Variants in SLC9A9 observed in about 807,000 individuals in gnomAD.
SLC9A9 encodes the protein sodium/hydrogen exchanger 9.
In SLC9A9, 62 loss-of-function variants were observed where a neutral mutation model predicts 77.8. That is an observed-to-expected ratio of 0.80 (90% confidence interval 0.65 to 0.98). The LOEUF is 0.98. Ranked by LOEUF, SLC9A9 falls within the 50% of genes least tolerant of loss-of-function variation. The probability of loss-of-function intolerance (pLI) is 0.00; values close to 1 mark genes in which losing one functional copy is unlikely to be tolerated. For missense variants in SLC9A9, 775 were observed against 774.9 expected (o/e 1.00, Z 0.00); for synonymous variants, 320 against 283.5 (o/e 1.13, Z -1.29).
chr3:143,303,592 G>A (rs2030634867), intron 14 of SLC9A9, among the ~76,000 whole-genome samples: 1 of 152,176 alleles, frequency 6.6e-6, no homozygotes, highest in Non-Finnish European at 1.5e-5. Context: ...GACACAGTGA[G>A]ACTTGCATTT....
chr3:143,394,287 G>A (rs1305251166), intron 12 of SLC9A9, among the ~76,000 whole-genome samples: 2 of 152,234 alleles, frequency 1.3e-5, no homozygotes, highest in African/African-American at 2.4e-5. Flanking sequence ...GGGATGCAAG[G>A]CTGGTTCAAC....
intron 1 of SLC9A9, among the ~76,000 whole-genome samples, chr3:143,845,550 T>C (rs967452898): frequency 1.3e-5 from 2 of 152,314 alleles, no homozygotes; most frequent in African/African-American, 4.8e-5. Flanking sequence ...ACGTGAACCT[T>C]AGTAAGACAT....
At chr3:143,416,730 AC>A (rs1373589757) in intron 12 of SLC9A9, among the ~76,000 whole-genome samples, 5 of 152,194 alleles carry the variant, frequency 3.3e-5, no homozygotes, top group Admixed American at 2.6e-4. Flanking sequence ...TTGGAACTGA[AC>A]CCACAATATC....
chr3:143,635,847 C>T (rs775905997), intron 6 of SLC9A9, among the ~76,000 whole-genome samples: 5 of 152,166 alleles, frequency 3.3e-5, no homozygotes, highest in East Asian at 3.8e-4. Context: ...CATTATTCAG[C>T]GGCAATACTT....
chr3:143,848,313 G>C lies in SLC9A9; in HGVS notation c.10C>G (p.Gln4Glu). The change falls in exon 1 of 16, where the codon CAG becomes GAG. Residue 4 changes from glutamine (Q) to glutamate (E), a missense_variant. By Grantham distance (29) the Gln-to-Glu change is conservative. Coordinates refer to ENST00000316549, the MANE Select transcript of SLC9A9 (RefSeq NM_173653.4). ...TCCTTTTCTGACATAACCCTTGACT[G>C]TCTCTCCATTCCCCAGTCTTCTTGG... MERQSRVMSEKDEY... is the reference protein window; with the variant it reads MERESRVMSEKDEY... The C allele has an allele frequency of 6.2e-7, 1 of 1,613,922 alleles. No homozygotes were observed. Among genetic ancestry groups the C allele is most frequent in the Non-Finnish European group, 8.5e-7 (1 of 1,179,858 alleles).
At chr3:143,840,201 T>A (rs2009671660) in intron 1 of SLC9A9, among the ~76,000 whole-genome samples, 1 of 151,998 alleles carries the variant, frequency 6.6e-6, no homozygotes, top group African/African-American at 2.4e-5. Flanking sequence ...ATGGTGCTGG[T>A]CAGGAAACAC....
intron 8 of SLC9A9, among the ~76,000 whole-genome samples, chr3:143,571,692 G>A (rs2037260699): frequency 6.6e-6 from 1 of 151,968 alleles, no homozygotes; most frequent in Non-Finnish European, 1.5e-5. Flanking sequence ...GGCTTTGACT[G>A]CCAGAAAGCT....
chr3:143,606,911 T>TATC (rs2037938051), intron 6 of SLC9A9, among the ~76,000 whole-genome samples: 1 of 152,074 alleles, frequency 6.6e-6, no homozygotes, highest in Non-Finnish European at 1.5e-5. Context: ...TTTGTAGAAC[T>TATC]GAAGAAACAT....
At chr3:143,556,448 G>A (rs1431339045) in intron 8 of SLC9A9, among the ~76,000 whole-genome samples, 1 of 152,180 alleles carries the variant, frequency 6.6e-6, no homozygotes, top group Non-Finnish European at 1.5e-5. Flanking sequence ...ACCCAGTGGA[G>A]GAGAGAAGGG....
chr3:143,592,318 G>A (rs1346114099), intron 6 of SLC9A9, among the ~76,000 whole-genome samples: 1 of 152,214 alleles, frequency 6.6e-6, no homozygotes, highest in Admixed American at 6.5e-5. Context: ...CTTAAGCCCA[G>A]ATGTTCAAGG....
intron 14 of SLC9A9, among the ~76,000 whole-genome samples, chr3:143,284,090 C>T (rs1029323910): frequency 3.3e-5 from 5 of 151,278 alleles, no homozygotes; most frequent in Admixed American, 2.0e-4. Context: ...AAGCCAAACC[C>T]GTGGCAGGAG....
chr3:143,680,589 C>T (rs2028996), intron 5 of SLC9A9, among the ~76,000 whole-genome samples: 48,742 of 151,826 alleles, frequency 0.32, 8,633 homozygotes, highest in East Asian at 0.4. Flanking sequence ...AATTTTATTT[C>T]TAGAAACTTG....
chr3:143,614,193 G>C (rs1361606358), intron 6 of SLC9A9, among the ~76,000 whole-genome samples: 1 of 152,170 alleles, frequency 6.6e-6, no homozygotes, highest in East Asian at 1.9e-4. Context: ...TGAGGGTTAA[G>C]ACAGGTATTT....
rs2037404090 is a variant in SLC9A9, at chr3:143,578,609, A to C, written c.870T>G (p.Ser290=). 6.2e-7 allele frequency: 1 copy of C among 1,613,940 alleles called. No individual in the cohort carries two copies. The highest frequency in any genetic ancestry group is 1.7e-5 in the Admixed American group (1 of 59,988). The stretch of plus-strand genomic sequence containing the variant: ...TCAGTGCTGTGATGATGGCATACGC[A>C]GACCCCATTGCAAATGAGCCAGCGA... ...GIFAGSFAMG[S]AYAIITALLT... is the part of the protein sequence containing the mutation. Residue 290 remains serine (S), a synonymous_variant, in exon 7 of 16, where the codon TCT becomes TCG. Transcript: ENST00000316549.
intron 5 of SLC9A9, among the ~76,000 whole-genome samples, chr3:143,659,134 C>A (rs868014100): frequency 2.0e-5 from 3 of 152,114 alleles, no homozygotes; most frequent in Non-Finnish European, 2.9e-5. Flanking sequence ...TTAGGATTTT[C>A]ACTTCAGCAT....
chr3:143,804,338 T>C (rs2108866115), intron 2 of SLC9A9, among the ~76,000 whole-genome samples: 1 of 152,302 alleles, frequency 6.6e-6, no homozygotes, highest in East Asian at 1.9e-4. Context: ...TCTTCTTGTT[T>C]ACTTACCCCT....
At chr3:143,411,769 G>T (rs1199121883) in intron 12 of SLC9A9, among the ~76,000 whole-genome samples, 1 of 152,010 alleles carries the variant, frequency 6.6e-6, no homozygotes, top group African/African-American at 2.4e-5. Flanking sequence ...CTCTTAAGCT[G>T]GTTGCAATTT....
intron 6 of SLC9A9, among the ~76,000 whole-genome samples, chr3:143,593,262 C>A (rs2037686515): frequency 6.6e-6 from 1 of 152,164 alleles, no homozygotes; most frequent in Non-Finnish European, 1.5e-5. Flanking sequence ...GATGCTTTCC[C>A]TCTACTCCTT....
chr3:143,677,653 C>T (rs183128469), intron 5 of SLC9A9, among the ~76,000 whole-genome samples: 1 of 152,218 alleles, frequency 6.6e-6, no homozygotes, highest in East Asian at 1.9e-4. Context: ...TTCCTGCAAC[C>T]CTGCCAGCAA....
Sources: allele counts gnomAD v4.1 joint callset (sites outside exome capture counted in the v4.1 genomes callset), GRCh38; gene constraint gnomAD v4.1.1; transcripts MANE v1.5; gene names NCBI Gene and HGNC (gene_info 2026-07-23, HGNC 2026-07-21).